PSD3: variants seen among roughly 807,000 people sequenced by gnomAD.
PSD3 encodes PH and SEC7 domain-containing protein 3.
PSD3 carries 49 observed loss-of-function variants against 105.5 expected under a neutral mutation model. That is an observed-to-expected ratio of 0.46 (90% CI 0.37 to 0.59). The LOEUF is 0.59. Ranked by LOEUF, PSD3 falls within the 20% of genes least tolerant of loss-of-function variation. PSD3 has a pLI of 0.00. For synonymous variants in PSD3, 557 were observed against 457.8 expected (o/e 1.22, Z -2.77); for missense variants, 1,561 against 1,263.8 (o/e 1.24, Z -3.57).
intron 10 of PSD3, among the ~76,000 whole-genome samples, chr8:18,633,871 AT>A (rs1271073600): frequency 1.3e-5 from 2 of 152,138 alleles, no homozygotes; most frequent in Non-Finnish European, 2.9e-5. Flanking sequence ...ACTAACTTAC[AT>A]TCCCACCAAT....
chr8:18,601,231 T>A lies in PSD3; in HGVS notation c.2411-797A>T, dbSNP rs1006875138. On this transcript the variant is annotated intron_variant, in intron 11 of 15. Coordinates refer to ENST00000327040, the MANE Select transcript of PSD3 (RefSeq NM_015310.4). ...GACTTGTATAAACTCTTACAAATTG[T>A]TCTAAAGCAAAAAGCAATAGATTAG... Among the ~76,000 whole-genome samples the A allele has an allele frequency of 2.0e-5, 3 of 152,240 alleles. No homozygotes were observed. The South Asian group carries it at 6.2e-4, about 31-fold the overall frequency.
intron 2 of PSD3, among the ~76,000 whole-genome samples, chr8:18,922,320 C>A (rs965904214): frequency 1.3e-5 from 2 of 152,136 alleles, no homozygotes; most frequent in African/African-American, 2.4e-5. Flanking sequence ...ACAGGAAAAT[C>A]TTTCAAAATG....
intron 12 of PSD3, among the ~76,000 whole-genome samples, chr8:18,576,511 A>G (rs1405251677): frequency 6.6e-6 from 1 of 152,140 alleles, no homozygotes; most frequent in African/African-American, 2.4e-5. Flanking sequence ...ACTATAATCT[A>G]GTTATGTTTT....
intron 1 of PSD3, among the ~76,000 whole-genome samples, chr8:19,065,040 G>A (rs946404232): frequency 6.6e-6 from 1 of 152,152 alleles, no homozygotes; most frequent in African/African-American, 2.4e-5. Context: ...AAAACCAGGA[G>A]ATTCACAGCA....
chr8:18,889,203 T>C (rs1586336880), intron 2 of PSD3, among the ~76,000 whole-genome samples: 1 of 152,218 alleles, frequency 6.6e-6, no homozygotes, highest in African/African-American at 2.4e-5. Context: ...CTTAAAAACA[T>C]GCACAAAAAC....
At chr8:18,664,343 T>G (rs1809563339) in intron 9 of PSD3, among the ~76,000 whole-genome samples, 1 of 152,234 alleles carries the variant, frequency 6.6e-6, no homozygotes, top group African/African-American at 2.4e-5. Flanking sequence ...ACAGCTTTAT[T>G]GCTGATATGG....
intron 14 of PSD3, among the ~76,000 whole-genome samples, chr8:18,572,215 G>C (rs1358287363): frequency 6.6e-6 from 1 of 152,206 alleles, no homozygotes; most frequent in African/African-American, 2.4e-5. Flanking sequence ...AGAAAAGCTT[G>C]TTACCAAGCC....
chr8:18,730,139 G>C (rs1430584042), intron 9 of PSD3: 1 of 152,046 alleles, frequency 6.6e-6, no homozygotes, highest in Non-Finnish European at 1.5e-5. Flanking sequence ...TTTTTCCCAA[G>C]GCACCACTTC....
At chr8:19,056,029 T>A (rs370799801) in intron 1 of PSD3, among the ~76,000 whole-genome samples, 1 of 152,262 alleles carries the variant, frequency 6.6e-6, no homozygotes, top group East Asian at 1.9e-4. Flanking sequence ...AAAATCTTTA[T>A]GTCAGTCTGA....
rs182427995 is a variant in PSD3, at chr8:19,033,378, G to T, written c.324+50828C>A. Among the ~76,000 whole-genome samples the T allele has an allele frequency of 2.2e-3, 338 of 152,020 alleles. 1 individual carries two copies. Among genetic ancestry groups the T allele is most frequent in the African/African-American group, 8.0e-3 (331 of 41,484 alleles). On this transcript the variant is annotated intron_variant, in intron 1 of 1. Coordinates refer to the PSD3 transcript ENST00000521475. ...TTATAGAACAGCTAACAGCAAACTG[G>T]TATTTTTCTTTTGTCTTTTACTACC...
chr8:18,569,364 A>C (rs1406883460), intron 14 of PSD3, among the ~76,000 whole-genome samples: 1 of 145,872 alleles, frequency 6.9e-6, no homozygotes, highest in Non-Finnish European at 1.5e-5. Flanking sequence ...CCTCTCCAGC[A>C]CCTGTTGTTT....
intron 4 of PSD3, among the ~76,000 whole-genome samples, chr8:18,848,793 C>A (rs1305488630): frequency 1.3e-5 from 2 of 152,164 alleles, no homozygotes; most frequent in Non-Finnish European, 2.9e-5. Flanking sequence ...GGGCGGAATG[C>A]AGAGACGGTG....
At chr8:19,035,109 T>G (rs903068702) in intron 1 of PSD3, among the ~76,000 whole-genome samples, 15 of 152,190 alleles carry the variant, frequency 9.9e-5, no homozygotes, top group African/African-American at 3.4e-4. Flanking sequence ...GAGTAACAAA[T>G]ATAAAAATTG....
At chr8:18,642,044 G>C (rs1009939381) in intron 10 of PSD3, among the ~76,000 whole-genome samples, 1 of 152,112 alleles carries the variant, frequency 6.6e-6, no homozygotes, top group Non-Finnish European at 1.5e-5. Flanking sequence ...AAAATGTTAG[G>C]CTTCATCACT....
chr8:18,603,597 T>C (rs992847258), intron 11 of PSD3, among the ~76,000 whole-genome samples: 2 of 152,226 alleles, frequency 1.3e-5, no homozygotes, highest in African/African-American at 2.4e-5. Context: ...ATTGTTGCAA[T>C]GTTGATAGTG....
At chr8:18,642,982 G>T (rs980538129) in intron 10 of PSD3, among the ~76,000 whole-genome samples, 2 of 152,136 alleles carry the variant, frequency 1.3e-5, no homozygotes, top group Non-Finnish European at 2.9e-5. Context: ...TATGCTTTAG[G>T]TTCTTGATAA....
intron 15 of PSD3, among the ~76,000 whole-genome samples, chr8:18,547,246 A>C (rs974483944): frequency 6.6e-6 from 1 of 152,168 alleles, no homozygotes; most frequent in South Asian, 2.1e-4. Flanking sequence ...GTGGTGCCAT[A>C]TCATGGTAGC....
At chr8:18,653,488 C>G (rs1305511879) in intron 10 of PSD3, among the ~76,000 whole-genome samples, 1 of 152,076 alleles carries the variant, frequency 6.6e-6, no homozygotes, top group African/African-American at 2.4e-5. Context: ...TTACATGAGA[C>G]TCAATATTTG....
At chr8:18,819,471 G>C (rs1433879595) in intron 4 of PSD3, among the ~76,000 whole-genome samples, 2 of 151,688 alleles carry the variant, frequency 1.3e-5, no homozygotes, top group African/African-American at 2.4e-5. Context: ...AGAGGGATAA[G>C]GCAAAAGTGC....
Sources: gnomAD v4.1 joint callset for allele counts (sites outside exome capture counted in the v4.1 genomes callset) on GRCh38, gnomAD v4.1.1 for gene constraint, MANE v1.5 for transcripts, NCBI Gene and HGNC (gene_info 2026-07-23, HGNC 2026-07-21) for gene names.